The following RELN variants were observed in gnomAD, a reference collection of about 807,000 sequenced individuals.
The protein encoded by RELN is reelin.
A neutral mutation model predicts 427.6 loss-of-function variants in RELN; 108 were observed. That is an observed-to-expected ratio of 0.25 (90% CI 0.22 to 0.30). The LOEUF (loss-of-function observed/expected upper bound fraction) is 0.30. Among genes scored for constraint, RELN ranks in the 10% least tolerant of loss-of-function variants. The pLI is 1.00. For missense variants in RELN, 3,715 were observed against 4,302.8 expected, an observed-to-expected ratio of 0.86 and a Z score of 3.82; for synonymous variants, 1,524 against 1,513.4, an observed-to-expected ratio of 1.01 and a Z score of -0.16.
intron 48 of RELN, among the ~76,000 whole-genome samples, chr7:103,521,691 C>G (rs1279101270): frequency 6.6e-6 from 1 of 152,134 alleles, no homozygotes; most frequent in Non-Finnish European, 1.5e-5. Flanking sequence ...TTAAATATGA[C>G]CTGTGCTGAC....
At chr7:103,885,462 T>A (rs903339711) in intron 2 of RELN, among the ~76,000 whole-genome samples, 8 of 152,022 alleles carry the variant, frequency 5.3e-5, no homozygotes, top group African/African-American at 1.9e-4. Flanking sequence ...CTGGAAACCA[T>A]CAGTCTCAGC....
chr7:103,929,690 CT>C (rs1400222943), intron 1 of RELN, among the ~76,000 whole-genome samples: 3 of 152,180 alleles, frequency 2.0e-5, no homozygotes, highest in African/African-American at 7.2e-5. Context: ...ACCTTCAGCA[CT>C]TTGGTACTAC....
Position 103,518,755 on chromosome 7 carries a change from T to G in RELN, c.7862+568A>C, listed in dbSNP as rs558267036. On this transcript the variant is annotated intron_variant, in intron 49 of 64. Transcript: ENST00000428762. ...TTTCTTACCCTCTTCCTCCTCCTAC[T>G]TTACTGAATATGCTATTTTCCTTCT... Among the ~76,000 whole-genome samples, 3 of 148,260 alleles carry G rather than the reference T, an allele frequency of 2.0e-5. No homozygotes were observed. The South Asian group carries it at 6.9e-4, about 34-fold the overall frequency.
At chr7:103,725,342 C>G (rs914456139) in intron 7 of RELN, among the ~76,000 whole-genome samples, 3 of 152,186 alleles carry the variant, frequency 2.0e-5, no homozygotes, top group African/African-American at 7.2e-5. Context: ...TGCTTGAGCC[C>G]AGGAGTTCAA....
At chr7:103,825,295 G>A (rs1277995879) in intron 3 of RELN, among the ~76,000 whole-genome samples, 1 of 152,030 alleles carries the variant, frequency 6.6e-6, no homozygotes, top group African/African-American at 2.4e-5. Context: ...GCAGACAGAG[G>A]AAAATGCCTT....
chr7:103,542,126 C>T (rs1048529619), intron 43 of RELN, among the ~76,000 whole-genome samples: 3 of 152,176 alleles, frequency 2.0e-5, no homozygotes, highest in Non-Finnish European at 4.4e-5. Context: ...CTTGACAGGA[C>T]ATAATCCTCT....
intron 63 of RELN, 109 bp from the exon 64 acceptor site, chr7:103,478,503 C>A: frequency 1.4e-6 from 1 of 696,982 alleles, no homozygotes; most frequent in African/African-American, 1.8e-5. Flanking sequence ...CAGGTTTAGA[C>A]GCAATATAGG....
At chr7:103,702,055 T>C (rs1356799092) in intron 8 of RELN, among the ~76,000 whole-genome samples, 1 of 152,234 alleles carries the variant, frequency 6.6e-6, no homozygotes, top group Non-Finnish European at 1.5e-5. Context: ...TTTTCCTAGA[T>C]TTATTCTCAC....
chr7:103,543,721 T>C (rs1830223628), intron 42 of RELN, among the ~76,000 whole-genome samples: 1 of 135,018 alleles, frequency 7.4e-6, no homozygotes, highest in African/African-American at 2.4e-5. Context: ...TCTGTTCAGA[T>C]ACTCCGATTT....
At chr7:103,671,791 AT>A (rs1309667079) in intron 11 of RELN, among the ~76,000 whole-genome samples, 2 of 152,122 alleles carry the variant, frequency 1.3e-5, no homozygotes, top group African/African-American at 4.8e-5. Context: ...ACTGTTTAAG[AT>A]TTTAGTTACA....
At chr7:103,670,462 G>A (rs1022745078) in intron 11 of RELN, among the ~76,000 whole-genome samples, 4 of 151,900 alleles carry the variant, frequency 2.6e-5, no homozygotes, top group Admixed American at 1.3e-4. Flanking sequence ...TGACTAGAAG[G>A]GACTTTCATA....
intron 1 of RELN, among the ~76,000 whole-genome samples, chr7:103,946,831 G>C (rs1484087255): frequency 6.6e-6 from 1 of 152,162 alleles, no homozygotes; most frequent in Non-Finnish European, 1.5e-5. Context: ...CTCATGATAA[G>C]CAGAAGTAAG....
At position 103,989,462 on chromosome 7, in the gene RELN, G is replaced by A. The variant is rs1797180425; in HGVS notation, c.-106C>T. The A allele has an allele frequency of 1.0e-6, 1 of 978,440 alleles. No individual in the cohort carries two copies. Among genetic ancestry groups the A allele is most frequent in the Non-Finnish European group, 1.4e-6 (1 of 727,232 alleles). 60.6% of individuals were successfully genotyped at this position (978,440 alleles called of 1,614,324 possible). Reference sequence around the variant, plus strand: ...CACGCGGAGAGAAGGCGAGAAGAAGGCGGACGGGAGCGGAACGGGCTCGGG... The same window carrying A: ...CACGCGGAGAGAAGGCGAGAAGAAGACGGACGGGAGCGGAACGGGCTCGGG... On this transcript the variant is annotated 5_prime_UTR_variant, in exon 1 of 65. Coordinates refer to ENST00000428762, the MANE Select transcript of RELN (RefSeq NM_005045.4). This position sits in a 1 kb window ranked among gnomAD's most constrained non-coding sequence, Gnocchi z 4.9.
intron 1 of RELN, among the ~76,000 whole-genome samples, chr7:103,952,008 A>T: frequency 6.6e-6 from 1 of 152,234 alleles, no homozygotes; most frequent in Non-Finnish European, 1.5e-5. Flanking sequence ...CCCTTAAATC[A>T]AAAAGTCTGA....
At chr7:103,868,576 C>T (rs1293294098) in intron 2 of RELN, among the ~76,000 whole-genome samples, 2 of 151,998 alleles carry the variant, frequency 1.3e-5, no homozygotes, top group Non-Finnish European at 2.9e-5. Flanking sequence ...TCCAGATCAC[C>T]CTCCATAATC....
At chr7:103,846,767 G>C (rs1438236709) in intron 2 of RELN, among the ~76,000 whole-genome samples, 1 of 152,154 alleles carries the variant, frequency 6.6e-6, no homozygotes, top group Non-Finnish European at 1.5e-5. Flanking sequence ...AGTGGGTGAA[G>C]GATATGAACA....
chr7:103,574,444 C>G, intron 29 of RELN, 145 bp from the exon 30 acceptor site: 1 of 736,412 alleles, frequency 1.4e-6, no homozygotes, highest in Non-Finnish European at 2.4e-6. Context: ...TCACAACTGT[C>G]GGTCTGAAAG....
rs142595185 is a variant in RELN, at chr7:103,781,068, C to T, written c.474-4441G>A. On this transcript the variant is annotated intron_variant, in intron 3 of 64. Coordinates refer to ENST00000428762, the MANE Select transcript of RELN (RefSeq NM_005045.4). ...GATAACATTTTAATCTAAAATGATC[C>T]CACCCTATAGAAGACGCATGGTTAG... 5.3e-3 allele frequency among the ~76,000 whole-genome samples: 800 copies of T among 152,180 alleles called. 3 individuals carry two copies. Among genetic ancestry groups the T allele is most frequent in the African/African-American group, 0.018 (743 of 41,498 alleles).
chr7:103,691,315 T>C (rs144106974), intron 10 of RELN, among the ~76,000 whole-genome samples: 85 of 152,182 alleles, frequency 5.6e-4, no homozygotes, highest in Non-Finnish European at 3.4e-4. Flanking sequence ...TCAGATGAAA[T>C]GGTTTAGATA....
Sources: allele counts gnomAD v4.1 joint callset (sites outside exome capture counted in the v4.1 genomes callset), GRCh38; gene constraint gnomAD v4.1.1; non-coding constraint Gnocchi (gnomAD v3.1); transcripts MANE v1.5; gene names NCBI Gene and HGNC (gene_info 2026-07-23, HGNC 2026-07-21).